ARHGAP35: variants seen among roughly 807,000 people sequenced by gnomAD.
ARHGAP35 encodes the protein Rho GTPase activating protein 35.
ARHGAP35 carries 15 observed loss-of-function variants against 111.1 expected under a neutral mutation model. The observed-to-expected ratio is 0.13, with a 90% CI of 0.09 to 0.21. ARHGAP35 has a LOEUF of 0.21. Ranked by LOEUF, ARHGAP35 falls within the 10% of genes least tolerant of loss-of-function variation. ARHGAP35 has a pLI of 1.00. For missense variants in ARHGAP35, 1,262 were observed against 1,873.0 expected, an observed-to-expected ratio of 0.67 and a Z score of 6.02; for synonymous variants, 643 against 710.3, an observed-to-expected ratio of 0.91 and a Z score of 1.51.
intron 1 of ARHGAP35, among the ~76,000 whole-genome samples, chr19:46,866,887 G>A (rs1320226056): frequency 1.3e-5 from 2 of 152,156 alleles, no homozygotes; most frequent in African/African-American, 2.4e-5. Context: ...TTTTAAAAAC[G>A]ATATGGAATT....
At chr19:46,972,507 C>T (rs544581788) in intron 3 of ARHGAP35, among the ~76,000 whole-genome samples, 3 of 152,282 alleles carry the variant, frequency 2.0e-5, no homozygotes, top group South Asian at 2.1e-4. Flanking sequence ...TAGACTTAGG[C>T]GTGCGGCGCA....
At chr19:46,895,289 G>A (rs911445467) in intron 1 of ARHGAP35, among the ~76,000 whole-genome samples, 2 of 151,004 alleles carry the variant, frequency 1.3e-5, no homozygotes, top group Non-Finnish European at 2.9e-5. Flanking sequence ...TCAGCCTCCC[G>A]AGTAGCTGGG....
Position 46,919,851 on chromosome 19 carries a change from T to G in ARHGAP35, c.1176T>G (p.Ser392Arg), listed in dbSNP as rs763395452. The G allele has an allele frequency of 6.2e-6, 10 of 1,614,014 alleles. No individual in the cohort carries two copies. Among genetic ancestry groups the G allele is most frequent in the Non-Finnish European group, 8.5e-6 (10 of 1,179,890 alleles). ...AAGAGACCCCATGGGATGCCACCAG[T>G]CACATTGACAACATGGAAAACGAAC... Reference protein sequence around the residue: ...VLEETPWDATSHIDNMENERI... With the variant: ...VLEETPWDATRHIDNMENERI... Residue 392 changes from serine (S) to arginine (R), a missense_variant, in exon 2 of 7, where the codon AGT (serine) becomes AGG (arginine). Physicochemically the swap from Ser to Arg is moderately radical, Grantham distance 110. Coordinates refer to ENST00000672722, the MANE Select transcript of ARHGAP35 (RefSeq NM_004491.5). The surrounding 1 kb of genome is among the most constrained non-coding windows in gnomAD (Gnocchi z 6.2).
chr19:46,941,617 C>G (rs1420113422), intron 3 of ARHGAP35, among the ~76,000 whole-genome samples: 1 of 148,590 alleles, frequency 6.7e-6, no homozygotes, highest in Non-Finnish European at 1.5e-5. Context: ...GCTCTGTTGC[C>G]CAGTCTGGAG....
intron 3 of ARHGAP35, chr19:46,947,358 T>C (rs1423662026): frequency 6.6e-6 from 1 of 152,126 alleles, no homozygotes; most frequent in Non-Finnish European, 1.5e-5. Context: ...GGGAATAAAA[T>C]AACACACAGG....
At chr19:46,927,320 A>C (rs1208869154) in intron 2 of ARHGAP35, among the ~76,000 whole-genome samples, 1 of 152,202 alleles carries the variant, frequency 6.6e-6, no homozygotes, top group Non-Finnish European at 1.5e-5. Flanking sequence ...TTAGGTTTTA[A>C]ACATGTACTT....
intron 1 of ARHGAP35, among the ~76,000 whole-genome samples, chr19:46,902,685 C>T (rs1249748308): frequency 6.6e-6 from 1 of 152,134 alleles, no homozygotes; most frequent in African/African-American, 2.4e-5. Context: ...GTTTTTTGAA[C>T]TCAGGTAGTC....
intron 3 of ARHGAP35, among the ~76,000 whole-genome samples, chr19:46,980,098 T>C (rs1275286153): frequency 1.3e-5 from 2 of 151,936 alleles, no homozygotes; most frequent in African/African-American, 4.8e-5. Flanking sequence ...GAAGAGAAAA[T>C]TGAGGGCCGG....
In ARHGAP35 at chr19:47,002,595, C is replaced by G. The variant is rs1359317777; in HGVS notation, c.*1907C>G. The G allele has an allele frequency of 6.6e-6, 1 of 152,196 alleles. No homozygotes were observed. Among genetic ancestry groups the G allele is most frequent in the Non-Finnish European group, 1.5e-5 (1 of 68,062 alleles). The allele number at this position is 152,196 out of a possible 1,614,324, so 9.4% of individuals were successfully genotyped here. On this transcript the variant is annotated 3_prime_UTR_variant, in exon 7 of 7. Coordinates refer to ENST00000672722, the MANE Select transcript of ARHGAP35 (RefSeq NM_004491.5). ...TTTAGCTGAGGTTGGCAGAAACGTTCCCAAACTCCCCCAGCCCTGGACCCC... is the reference window on the plus strand; with the variant it reads ...TTTAGCTGAGGTTGGCAGAAACGTTGCCAAACTCCCCCAGCCCTGGACCCC...
intron 1 of ARHGAP35, among the ~76,000 whole-genome samples, chr19:46,867,758 T>TG (rs1015865855): frequency 6.6e-6 from 1 of 152,006 alleles, no homozygotes; most frequent in Non-Finnish European, 1.5e-5. Context: ...GCTAAAGTTT[T>TG]TTGTTGTTGT....
rs2056649922 is a variant in ARHGAP35, at chr19:46,986,342, T to C, written c.3827-1647T>C. 6.6e-6 allele frequency among the ~76,000 whole-genome samples: 1 copy of C among 152,226 alleles called. No individual in the cohort carries two copies. ...GAGTGGGAGCCCATCCTTCCCTTGATATTTTATTCTAACTTACGTATTTAA... is the reference window on the plus strand; with the variant it reads ...GAGTGGGAGCCCATCCTTCCCTTGACATTTTATTCTAACTTACGTATTTAA... On this transcript the variant is annotated intron_variant, in intron 3 of 6. Coordinates refer to ENST00000672722, the MANE Select transcript of ARHGAP35 (RefSeq NM_004491.5). The surrounding 1 kb of genome is among the most constrained non-coding windows in gnomAD (Gnocchi z 4.3).
intron 1 of ARHGAP35, among the ~76,000 whole-genome samples, chr19:46,865,061 T>C (rs2055847827): frequency 6.6e-6 from 1 of 152,222 alleles, no homozygotes; most frequent in African/African-American, 2.4e-5. Context: ...ACCGATGTTC[T>C]TAAAGACTGT....
At chr19:46,983,691 G>A (rs921633572) in intron 3 of ARHGAP35, among the ~76,000 whole-genome samples, 3 of 125,450 alleles carry the variant, frequency 2.4e-5, no homozygotes, top group Non-Finnish European at 4.7e-5. Context: ...TCAGCTCACC[G>A]CAAGCTCCGC....
At chr19:46,889,596 T>C in intron 1 of ARHGAP35, among the ~76,000 whole-genome samples, 1 of 152,226 alleles carries the variant, frequency 6.6e-6, no homozygotes, top group East Asian at 1.9e-4. Context: ...TCTTACTTTC[T>C]AGTAGGGGAA....
intron 1 of ARHGAP35, among the ~76,000 whole-genome samples, chr19:46,914,568 G>A (rs2056154427): frequency 6.6e-6 from 1 of 152,180 alleles, no homozygotes; most frequent in Admixed American, 6.5e-5. Flanking sequence ...AGTGAGCTAT[G>A]ATTACAGCAC....
chr19:46,994,192 C>T lies in ARHGAP35; in HGVS notation c.4036+4517C>T, dbSNP rs935923897. On this transcript the variant is annotated intron_variant, in intron 5 of 6. Coordinates refer to ENST00000672722, the MANE Select transcript of ARHGAP35 (RefSeq NM_004491.5). This position sits in a 1 kb window ranked among gnomAD's most constrained non-coding sequence, Gnocchi z 5.4. ...GCTCACCCAGGGCTGGGTGCCCTGA[C>T]GGCCCTGTCCCAGTAGGGACACCAG... Among the ~76,000 whole-genome samples, 12 of 152,150 alleles carry T rather than the reference C, an allele frequency of 7.9e-5. No homozygotes were observed. Among genetic ancestry groups the T allele is most frequent in the Non-Finnish European group, 1.2e-4 (8 of 68,022 alleles).
chr19:46,981,459 G>T (rs1326558516), intron 3 of ARHGAP35, among the ~76,000 whole-genome samples: 1 of 152,234 alleles, frequency 6.6e-6, no homozygotes, highest in Non-Finnish European at 1.5e-5. Flanking sequence ...TGCTAGAAAG[G>T]AAACTTTGGA....
chr19:46,877,575 CAATA>C (rs940470910), intron 1 of ARHGAP35, among the ~76,000 whole-genome samples: 15 of 149,940 alleles, frequency 1.0e-4, no homozygotes, highest in African/African-American at 1.8e-4. Flanking sequence ...CAAAAAATAA[CAATA>C]AATAAAAATT....
At chr19:46,985,238 A>G (rs1220428293) in intron 3 of ARHGAP35, among the ~76,000 whole-genome samples, 1 of 152,206 alleles carries the variant, frequency 6.6e-6, no homozygotes, top group East Asian at 1.9e-4. Context: ...GTCAGTGGAA[A>G]AATTACTAAC....
Sources: allele counts gnomAD v4.1 joint callset (sites outside exome capture counted in the v4.1 genomes callset), GRCh38; gene constraint gnomAD v4.1.1; non-coding constraint Gnocchi (gnomAD v3.1); transcripts MANE v1.5; gene names NCBI Gene and HGNC (gene_info 2026-07-23, HGNC 2026-07-21).